The following PCNT variants were observed in gnomAD, a reference collection of about 807,000 sequenced individuals.
The protein encoded by PCNT is kendrin.
PCNT carries 319 observed loss-of-function variants against 380.4 expected under a neutral mutation model. That is an observed-to-expected ratio of 0.84 (90% confidence interval 0.77 to 0.92). PCNT has a LOEUF of 0.92. Among genes scored for constraint, PCNT ranks in the 40% least tolerant of loss-of-function variants. PCNT has a pLI of 0.00. For synonymous variants in PCNT, 1,845 were observed against 1,735.2 expected (o/e 1.06, Z -1.57); for missense variants, 4,400 against 4,255.3 (o/e 1.03, Z -0.95).
intron 35 of PCNT, among the ~76,000 whole-genome samples, chr21:46,429,232 T>TG (rs2087638387): frequency 6.8e-6 from 1 of 148,112 alleles, no homozygotes; most frequent in Non-Finnish European, 1.5e-5. Context: ...GCTGTGCACA[T>TG]GCTCGTGAGG....
intron 2 of PCNT, among the ~76,000 whole-genome samples, chr21:46,331,630 A>G (rs2083564596): frequency 6.6e-6 from 1 of 152,050 alleles, no homozygotes; most frequent in African/African-American, 2.4e-5. Flanking sequence ...GCTGGGCATG[A>G]CAGTGCACAC....
intron 2 of PCNT, among the ~76,000 whole-genome samples, chr21:46,326,870 C>T (rs112837967): frequency 3.2e-4 from 49 of 151,808 alleles, no homozygotes; most frequent in Non-Finnish European, 6.3e-4. Flanking sequence ...AAAAATTAGC[C>T]GGACATCTGG....
rs577934316 is a variant in PCNT, at chr21:46,353,917, G to C, written c.1680-70G>C. On this transcript the variant is annotated intron_variant, in intron 10 of 46. Transcript: ENST00000359568. ...GCCTCTGCTGTGAGCAGTCGGTCCT[G>C]GGGAGGGAATGGCGCACACATGGAA... 89 of 1,344,592 alleles carry C rather than the reference G, an allele frequency of 6.6e-5. No individual in the cohort carries two copies. In the African/African-American group the frequency reaches 1.0e-3, roughly 16 times the overall value. The allele number at this position is 1,344,592 out of a possible 1,614,324, so 83.3% of individuals were successfully genotyped here.
chr21:46,343,415 G>A (rs2083965428), intron 3 of PCNT, among the ~76,000 whole-genome samples: 1 of 151,036 alleles, frequency 6.6e-6, no homozygotes, highest in African/African-American at 2.4e-5. Context: ...TTTTAATGCT[G>A]TTTATGGGGT....
At chr21:46,348,714 A>G (rs1007401984) in intron 6 of PCNT, among the ~76,000 whole-genome samples, 2 of 152,084 alleles carry the variant, frequency 1.3e-5, no homozygotes, top group African/African-American at 2.4e-5. Flanking sequence ...TCCTGGGCTC[A>G]ATTGATCCTC....
chr21:46,426,401 C>T (rs1206533770), intron 33 of PCNT, among the ~76,000 whole-genome samples: 3 of 152,314 alleles, frequency 2.0e-5, no homozygotes, highest in East Asian at 1.9e-4. Context: ...CCATCTCCCA[C>T]AGCCAGCGCA....
Position 46,366,608 on chromosome 21 carries a change from C to G in PCNT, c.2634C>G (p.Ile878Met). 4 of 1,614,082 alleles carry G rather than the reference C, an allele frequency of 2.5e-6. No homozygotes were observed. The highest frequency in any genetic ancestry group is 3.4e-6 in the Non-Finnish European group (4 of 1,179,998). The change falls in exon 15 of 47, where the codon ATC becomes ATG. Residue 878 changes from isoleucine (I) to methionine (M), a missense_variant. Ile to Met is a conservative substitution (Grantham distance 10, BLOSUM62 1). Coordinates refer to ENST00000359568, the MANE Select transcript of PCNT (RefSeq NM_006031.6). Reference sequence around the variant, plus strand: ...GGTTTTTAGAGGAACGTAAAGAGATCACCGAGAAATTCAGTGCGGAACAAG... The same window carrying G: ...GGTTTTTAGAGGAACGTAAAGAGATGACCGAGAAATTCAGTGCGGAACAAG... ...RSRFLEERKE[I>M]TEKFSAEQDA...
At position 46,388,948 on chromosome 21, in the gene PCNT, T is replaced by C. The variant is rs1448345019; in HGVS notation, c.3607+64T>C. 2.6e-6 allele frequency: 4 copies of C among 1,538,940 alleles called. No individual in the cohort carries two copies. The highest frequency in any genetic ancestry group is 2.4e-5 in the South Asian group (2 of 84,862). On this transcript the variant is annotated intron_variant, in intron 18 of 46. Coordinates refer to ENST00000359568, the MANE Select transcript of PCNT (RefSeq NM_006031.6). This position sits in a 1 kb window ranked among gnomAD's most constrained non-coding sequence, Gnocchi z 4.2. ...CAGCCCCTCTGTGGTCCTGGAGCTCTCTGAGAGGAGCCTCCGTATTGGGCG... is the reference window on the plus strand; with the variant it reads ...CAGCCCCTCTGTGGTCCTGGAGCTCCCTGAGAGGAGCCTCCGTATTGGGCG...
chr21:46,324,177 G>A lies in PCNT; in HGVS notation c.-52G>A, dbSNP rs1203611873. 6.7e-6 allele frequency: 10 copies of A among 1,503,266 alleles called. No homozygotes were observed. The highest frequency in any genetic ancestry group is 9.2e-6 in the Non-Finnish European group (10 of 1,089,378). 93.1% of individuals were successfully genotyped at this position (1,503,266 alleles called of 1,614,324 possible). A position where few individuals can be genotyped will look rare whatever the true frequency, so the allele number is the denominator to read the frequency against. ...AGGGAGTGTAAATAGAGCGAAGGCT[G>A]CTCTGTGTCAGCCCCGTCACCGCCG... is the stretch of plus-strand genomic sequence containing the variant. On this transcript the variant is annotated 5_prime_UTR_variant, in exon 1 of 47. Transcript: ENST00000359568.
rs150365416 is a variant in PCNT, at chr21:46,353,137, G to T, written c.1490G>T (p.Arg497Leu). Residue 497 changes from arginine (R) to leucine (L), a missense_variant, in exon 10 of 47, where the codon CGT (arginine) becomes CTT (leucine). Physicochemically the swap from Arg to Leu is moderately radical, Grantham distance 102. Coordinates refer to ENST00000359568, the MANE Select transcript of PCNT (RefSeq NM_006031.6). ...LHEQLLARTS[R>L]VEDLEQLKQR... ...GAGCAACTCCTGGCGCGCACCTCTC[G>T]TGTGGAAGATTTAGAACAGCTGAAG... 2.5e-6 allele frequency: 4 copies of T among 1,614,038 alleles called. No individual in the cohort carries two copies. Among genetic ancestry groups the T allele is most frequent in the Non-Finnish European group, 3.4e-6 (4 of 1,180,038 alleles).
Position 46,422,866 on chromosome 21 carries a change from C to T in PCNT, c.7179+742C>T, listed in dbSNP as rs768433674. Among the ~76,000 whole-genome samples, 69 of 152,330 alleles carry T rather than the reference C, an allele frequency of 4.5e-4. 1 individual carries two copies. Among genetic ancestry groups the T allele is most frequent in the Non-Finnish European group, 8.7e-4 (59 of 68,032 alleles). ...GTTGTCTCAGAGGGCCCTGAGGGTG[C>T]CTTTGTTACATGCGTTTAAAAGTCG... On this transcript the variant is annotated intron_variant, in intron 32 of 46. Transcript: ENST00000359568.
chr21:46,365,712 G>A (rs113090066), intron 14 of PCNT, among the ~76,000 whole-genome samples: 2 of 136,652 alleles, frequency 1.5e-5, no homozygotes, highest in Admixed American at 7.4e-5. Context: ...GTGGGGTTCT[G>A]TTCACTGCTG....
At chr21:46,362,094 A>C (rs1250161137) in intron 13 of PCNT, among the ~76,000 whole-genome samples, 1 of 152,162 alleles carries the variant, frequency 6.6e-6, no homozygotes, top group Non-Finnish European at 1.5e-5. Flanking sequence ...TTCAGACTGC[A>C]TGCTCCCCTG....
chr21:46,324,411 T>C, intron 1 of PCNT, 129 bp downstream of exon 1: 1 of 810,950 alleles, frequency 1.2e-6, no homozygotes. Context: ...TCTCGCTTTT[T>C]CCCGCCGGCT....
At chr21:46,386,548 TGTGGGTCTGCTTACCACGGGCC>T (rs376811727) in intron 17 of PCNT, among the ~76,000 whole-genome samples, 2 of 152,148 alleles carry the variant, frequency 1.3e-5, no homozygotes, top group African/African-American at 4.8e-5. Flanking sequence ...CAGGGCGGGG[TGTGGGTCTGCTTACCACGGGCC>T]GTGGGGCCGC....
chr21:46,386,243 G>C (rs2085830070), intron 17 of PCNT, among the ~76,000 whole-genome samples: 1 of 152,156 alleles, frequency 6.6e-6, no homozygotes, highest in Admixed American at 6.5e-5. Context: ...TTCCCCATCT[G>C]GCCAGATTAA....
intron 3 of PCNT, among the ~76,000 whole-genome samples, chr21:46,344,709 C>T (rs761977830): frequency 1.3e-4 from 20 of 152,330 alleles, no homozygotes; most frequent in African/African-American, 2.2e-4. Context: ...ACGTCCCAGG[C>T]GCCAGTCGAG....
At chr21:46,335,985 T>G (rs1228523655) in intron 3 of PCNT, among the ~76,000 whole-genome samples, 1 of 151,862 alleles carries the variant, frequency 6.6e-6, no homozygotes, top group African/African-American at 2.4e-5. Flanking sequence ...GCCGGCAAAT[T>G]GTTTGTTTTT....
In PCNT at chr21:46,411,912, C is replaced by T. The variant is rs554533688; in HGVS notation, c.5839C>T (p.Leu1947=). 2.6e-5 allele frequency: 42 copies of T among 1,587,176 alleles called. No individual in the cohort carries two copies. In the South Asian group the frequency reaches 4.6e-4, roughly 17 times the overall value. Residue 1947 remains leucine, a synonymous_variant, in exon 28 of 47, where the codon CTG becomes TTG. Coordinates refer to ENST00000359568, the MANE Select transcript of PCNT (RefSeq NM_006031.6). ...GCGGTTCCTGAGGTGCCAGGTGGAG[C>T]TGGACAGGCGGCAGGCCCGCAGAGC... is the stretch of plus-strand genomic sequence containing the variant. ...HQRFLRCQVE[L]DRRQARRATA... is the part of the protein sequence containing the mutation.
Sources: gnomAD v4.1 joint callset for allele counts (sites outside exome capture counted in the v4.1 genomes callset) on GRCh38, gnomAD v4.1.1 for gene constraint, Gnocchi (gnomAD v3.1) non-coding constraint, MANE v1.5 for transcripts, NCBI Gene and HGNC (gene_info 2026-07-23, HGNC 2026-07-21) for gene names.